The following RGL1 variants were observed in gnomAD, a reference collection of about 807,000 sequenced individuals.
RGL1 encodes the protein ral guanine nucleotide dissociation stimulator-like 1.
RGL1 carries 24 observed loss-of-function variants against 95.2 expected under a neutral mutation model. The ratio of observed to expected loss-of-function variants is 0.25; its 90% CI spans 0.18 to 0.35. RGL1 has a LOEUF of 0.35. Among genes scored for constraint, RGL1 ranks in the 10% least tolerant of loss-of-function variants. The pLI is 1.00. For synonymous variants in RGL1, 329 were observed against 344.9 expected, an observed-to-expected ratio of 0.95 and a Z score of 0.51; for missense variants, 715 against 936.3, an observed-to-expected ratio of 0.76 and a Z score of 3.08.
At chr1:183,767,466 T>C (rs569403637) in intron 2 of RGL1, among the ~76,000 whole-genome samples, 1 of 152,290 alleles carries the variant, frequency 6.6e-6, no homozygotes, top group East Asian at 1.9e-4. Context: ...TGCAAATGAA[T>C]GTTCTTAAGT....
intron 1 of RGL1, among the ~76,000 whole-genome samples, chr1:183,735,755 C>G (rs1251927788): frequency 6.6e-6 from 1 of 152,188 alleles, no homozygotes; most frequent in Non-Finnish European, 1.5e-5. Flanking sequence ...GAATCTGTCT[C>G]TCTGCTGTGG....
At chr1:183,816,010 T>G (rs1189247268) in intron 2 of RGL1, among the ~76,000 whole-genome samples, 4 of 152,166 alleles carry the variant, frequency 2.6e-5, no homozygotes, top group Non-Finnish European at 4.4e-5. Flanking sequence ...AACATCCCTC[T>G]CTCATTTTGT....
At chr1:183,638,549 G>C (rs532826845) in intron 1 of RGL1, among the ~76,000 whole-genome samples, 1 of 152,218 alleles carries the variant, frequency 6.6e-6, no homozygotes, top group Non-Finnish European at 1.5e-5. Flanking sequence ...ATTTTTGTGT[G>C]TATGTGGAGA....
intron 2 of RGL1, among the ~76,000 whole-genome samples, chr1:183,836,557 T>A (rs1259404699): frequency 1.3e-5 from 2 of 152,168 alleles, no homozygotes; most frequent in African/African-American, 4.8e-5. Flanking sequence ...CGTGAGCCAC[T>A]GCGCCCAGCC....
chr1:183,643,211 A>G (rs1247812024), intron 1 of RGL1, among the ~76,000 whole-genome samples: 2 of 152,178 alleles, frequency 1.3e-5, no homozygotes, highest in Non-Finnish European at 2.9e-5. Flanking sequence ...GCTATTGTGA[A>G]TAATACTGCT....
chr1:183,891,367 G>T (rs1466847998), intron 8 of RGL1, among the ~76,000 whole-genome samples: 1 of 152,102 alleles, frequency 6.6e-6, no homozygotes, highest in Non-Finnish European at 1.5e-5. Context: ...CAGATGCTTT[G>T]CATATGTGGT....
chr1:183,911,429 C>A (rs930128950), intron 14 of RGL1, among the ~76,000 whole-genome samples: 1 of 152,144 alleles, frequency 6.6e-6, no homozygotes, highest in African/African-American at 2.4e-5. Context: ...CAGAAACCCT[C>A]ATCTTTGGGC....
At chr1:183,805,936 CTTTTCTTT>C (rs1310280898) in intron 1 of RGL1, among the ~76,000 whole-genome samples, 2 of 95,632 alleles carry the variant, frequency 2.1e-5, no homozygotes, top group African/African-American at 7.3e-5. Context: ...CAGACTTATT[CTTTTCTTT>C]TTTTCTTTTT....
chr1:183,882,109 G>A lies in RGL1; in HGVS notation c.610+1309G>A, dbSNP rs117177793. The stretch of plus-strand genomic sequence containing the variant: ...TTGTTTTACCCAATTTTACTCCTGC[G>A]GAAGAAGCAAGCTCTCCTATATGTT... On this transcript the variant is annotated intron_variant, in intron 5 of 17. Coordinates refer to ENST00000360851, the MANE Select transcript of RGL1 (RefSeq NM_001297671.3). Among the ~76,000 whole-genome samples, 27 of 152,348 alleles carry A rather than the reference G, an allele frequency of 1.8e-4. No homozygotes were observed. In the East Asian group the frequency reaches 4.8e-3, roughly 27 times the overall value.
chr1:183,855,778 C>T (rs115945453), intron 3 of RGL1, among the ~76,000 whole-genome samples: 38 of 152,320 alleles, frequency 2.5e-4, no homozygotes, highest in Non-Finnish European at 4.1e-4. Flanking sequence ...CATTAACACT[C>T]ACATTAAATC....
intron 12 of RGL1, 40 bp from the exon 13 acceptor site, chr1:183,904,810 A>T: frequency 8.3e-6 from 13 of 1,567,754 alleles, no homozygotes; most frequent in Non-Finnish European, 1.0e-5. Context: ...CTTATTATTC[A>T]GTCTTTTTTT....
At chr1:183,806,859 C>T (rs1303874270) in intron 2 of RGL1, among the ~76,000 whole-genome samples, 3 of 152,134 alleles carry the variant, frequency 2.0e-5, no homozygotes, top group Non-Finnish European at 2.9e-5. Context: ...TGCCCTCCCC[C>T]AATTGATGCT....
intron 1 of RGL1, among the ~76,000 whole-genome samples, chr1:183,713,215 G>A (rs563774488): frequency 4.7e-4 from 71 of 152,140 alleles, no homozygotes; most frequent in South Asian, 1.0e-3. Context: ...TAGTAGAGAA[G>A]GGGTTTTGCC....
chr1:183,917,785 C>T (rs1202924096), intron 16 of RGL1, among the ~76,000 whole-genome samples: 42 of 152,178 alleles, frequency 2.8e-4, no homozygotes, highest in Admixed American at 2.7e-3. Context: ...GGCCTTGTGG[C>T]CCACACAGAG....
chr1:183,803,293 T>C (rs923680577), upstream of RGL1, among the ~76,000 whole-genome samples: 3 of 152,240 alleles, frequency 2.0e-5, no homozygotes, highest in African/African-American at 7.2e-5. Context: ...TGGAATTTTT[T>C]TGGATCACTT....
chr1:183,880,846 C>T (rs772371983), intron 5 of RGL1, 46 bp downstream of exon 5: 3 of 1,569,236 alleles, frequency 1.9e-6, no homozygotes, highest in Non-Finnish European at 2.6e-6. Flanking sequence ...TTCTGATTCT[C>T]CAGCCTCCAC....
chr1:183,897,790 T>C lies in RGL1; in HGVS notation c.1141-18T>C, dbSNP rs199734646. ...GCATCCTGTATCAATTCCCTCTGTG[T>C]GCATTTCTGTTTCTCAGGAAGGAAC... On this transcript the variant is annotated intron_variant, in intron 9 of 17. Transcript: ENST00000360851. 593 of 1,592,216 alleles carry C rather than the reference T, an allele frequency of 3.7e-4. 2 individuals are homozygous for C. Among genetic ancestry groups the C allele is most frequent in the Admixed American group, 8.8e-4 (53 of 59,982 alleles).
At chr1:183,679,453 T>C (rs1653056516) in intron 1 of RGL1, among the ~76,000 whole-genome samples, 1 of 149,920 alleles carries the variant, frequency 6.7e-6, no homozygotes, top group South Asian at 2.1e-4. Context: ...GTTCTCATTG[T>C]TCAACTGTCA....
chr1:183,900,970 G>A (rs1553304109), intron 11 of RGL1, among the ~76,000 whole-genome samples: 1 of 151,228 alleles, frequency 6.6e-6, no homozygotes, highest in African/African-American at 2.4e-5. Context: ...TTCAAGACCA[G>A]CCTGGCCAAC....
Sources: gnomAD v4.1 joint callset for allele counts (sites outside exome capture counted in the v4.1 genomes callset) on GRCh38, gnomAD v4.1.1 for gene constraint, MANE v1.5 for transcripts, NCBI Gene and HGNC (gene_info 2026-07-23, HGNC 2026-07-21) for gene names.